The following NR2F1-AS1 variants were observed in gnomAD, a reference collection of about 807,000 sequenced individuals.
The protein encoded by NR2F1-AS1 is NR2F1 regulatory antisense RNA 1.
chr5:93,427,727 C>T (rs1749224174), intron 4 of NR2F1-AS1, among the ~76,000 whole-genome samples: 1 of 152,128 alleles, frequency 6.6e-6, no homozygotes, highest in African/African-American at 2.4e-5. Flanking sequence ...ACTGAAATGA[C>T]TATGGTGCCC....
intron 4 of NR2F1-AS1, among the ~76,000 whole-genome samples, chr5:93,508,644 T>C (rs1751234679): frequency 6.6e-6 from 1 of 151,890 alleles, no homozygotes; most frequent in Non-Finnish European, 1.5e-5. Flanking sequence ...TATAAATAGA[T>C]ACATCACAAA....
At chr5:93,478,397 T>C (rs1750531177) in intron 4 of NR2F1-AS1, among the ~76,000 whole-genome samples, 1 of 152,084 alleles carries the variant, frequency 6.6e-6, no homozygotes, top group African/African-American at 2.4e-5. Flanking sequence ...TTTGTTGTTT[T>C]TTGTTTGTTT....
At chr5:93,432,588 T>G (rs1047356140) in intron 4 of NR2F1-AS1, 7 of 152,230 alleles carry the variant, frequency 4.6e-5, no homozygotes, top group Non-Finnish European at 8.8e-5. Context: ...TTGGTTACCC[T>G]TCTTACCATA....
chr5:93,554,303 T>C (rs989608422), intron 3 of NR2F1-AS1, among the ~76,000 whole-genome samples: 2 of 152,220 alleles, frequency 1.3e-5, no homozygotes, highest in African/African-American at 4.8e-5. Flanking sequence ...AAATGTAATA[T>C]GACTACAGCC....
At chr5:93,453,225 C>T (rs1372617991) in intron 4 of NR2F1-AS1, among the ~76,000 whole-genome samples, 2 of 151,790 alleles carry the variant, frequency 1.3e-5, no homozygotes, top group African/African-American at 4.8e-5. Context: ...AATACAAGAT[C>T]AGTGAACTTA....
intron 1 of NR2F1-AS1, chr5:93,570,169 T>A (rs893667649): frequency 6.6e-6 from 1 of 152,184 alleles, no homozygotes; most frequent in Non-Finnish European, 1.5e-5. Flanking sequence ...TGCAGATGGG[T>A]GTTTTAAAAA....
chr5:93,475,828 T>C (rs895605548), intron 4 of NR2F1-AS1, among the ~76,000 whole-genome samples: 23 of 152,330 alleles, frequency 1.5e-4, no homozygotes, highest in Non-Finnish European at 4.4e-5. Context: ...GTTCACTGTA[T>C]GTACTTCATG....
At chr5:93,500,797 G>A (rs1406261473) in intron 4 of NR2F1-AS1, among the ~76,000 whole-genome samples, 3 of 152,072 alleles carry the variant, frequency 2.0e-5, no homozygotes, top group African/African-American at 7.2e-5. Context: ...GTGCCACCAT[G>A]CCCAGCAAAT....
At chr5:93,464,194 C>T (rs1750167518) in intron 4 of NR2F1-AS1, among the ~76,000 whole-genome samples, 1 of 152,130 alleles carries the variant, frequency 6.6e-6, no homozygotes, top group Non-Finnish European at 1.5e-5. Context: ...TCTCATGATA[C>T]TGAATAAGTC....
chr5:93,544,863 T>TGAGCCGAGGTTGCGCC (rs1752040613), intron 4 of NR2F1-AS1: 2 of 141,790 alleles, frequency 1.4e-5, no homozygotes, highest in South Asian at 4.3e-4. Context: ...GATGTTGCGC[T>TGAGCCGAGGTTGCGCC]GAGCCGAGGT....
intron 4 of NR2F1-AS1, among the ~76,000 whole-genome samples, chr5:93,437,102 G>A (rs540320816): frequency 1.3e-5 from 2 of 151,724 alleles, no homozygotes; most frequent in African/African-American, 4.8e-5. Context: ...ACAGTATTTA[G>A]TCCTCTAACA....
chr5:93,540,823 G>C (rs1003128244), intron 4 of NR2F1-AS1, among the ~76,000 whole-genome samples: 1 of 152,170 alleles, frequency 6.6e-6, no homozygotes, highest in African/African-American at 2.4e-5. Context: ...AGCTGAAATT[G>C]AGAGACTCTG....
chr5:93,435,476 C>T (rs1004680971), intron 4 of NR2F1-AS1, among the ~76,000 whole-genome samples: 1 of 152,078 alleles, frequency 6.6e-6, no homozygotes, highest in Admixed American at 6.5e-5. Context: ...ACTTTTTCCC[C>T]AATTTGCCTC....
intron 4 of NR2F1-AS1, among the ~76,000 whole-genome samples, chr5:93,536,354 A>C (rs1236763831): frequency 1.3e-5 from 2 of 152,198 alleles, no homozygotes; most frequent in Non-Finnish European, 1.5e-5. Flanking sequence ...TAAAACTGTC[A>C]TACTACCCAA....
At chr5:93,494,252 G>A (rs536647442) in intron 4 of NR2F1-AS1, among the ~76,000 whole-genome samples, 4 of 152,114 alleles carry the variant, frequency 2.6e-5, no homozygotes, top group Non-Finnish European at 5.9e-5. Flanking sequence ...ATGAAAAGAT[G>A]TTCAACATCA....
chr5:93,440,005 G>C (rs1274798794), intron 4 of NR2F1-AS1, among the ~76,000 whole-genome samples: 1 of 152,070 alleles, frequency 6.6e-6, no homozygotes, highest in African/African-American at 2.4e-5. Flanking sequence ...GCACATAATA[G>C]ACACCCAATC....
intron 4 of NR2F1-AS1, among the ~76,000 whole-genome samples, chr5:93,433,800 T>C (rs1202690699): frequency 6.6e-6 from 1 of 152,182 alleles, no homozygotes; most frequent in Non-Finnish European, 1.5e-5. Context: ...TTAACTATGA[T>C]TATAAACTTA....
At chr5:93,428,030 A>G (rs1351830161) in intron 4 of NR2F1-AS1, among the ~76,000 whole-genome samples, 1 of 152,190 alleles carries the variant, frequency 6.6e-6, no homozygotes, top group East Asian at 1.9e-4. Context: ...TTCATAAACT[A>G]TATCAAAATG....
At chr5:93,412,562 C>T (rs1047113733) in intron 4 of NR2F1-AS1, among the ~76,000 whole-genome samples, 4 of 152,212 alleles carry the variant, frequency 2.6e-5, no homozygotes, top group Admixed American at 6.5e-5. Context: ...TTCATTTCTC[C>T]GTTTTCCTAG....
Sources: gnomAD v4.1 joint callset for allele counts (sites outside exome capture counted in the v4.1 genomes callset) on GRCh38, gnomAD v4.1.1 for gene constraint, MANE v1.5 for transcripts, NCBI Gene and HGNC (gene_info 2026-07-23, HGNC 2026-07-21) for gene names.